IL1RAPL1: variants seen among roughly 807,000 people sequenced by gnomAD.
IL1RAPL1 encodes interleukin 1 receptor accessory protein like 1.
In IL1RAPL1, 3 loss-of-function variants were observed where a neutral mutation model predicts 48.4. The ratio of observed to expected loss-of-function variants is 0.06; its 90% CI spans 0.03 to 0.16. The LOEUF is 0.16. Among genes scored for constraint, IL1RAPL1 ranks in the 10% least tolerant of loss-of-function variants. The probability of loss-of-function intolerance (pLI) is 1.00; values close to 1 mark genes in which losing one functional copy is unlikely to be tolerated. For missense variants in IL1RAPL1, 349 were observed against 530.6 expected (o/e 0.66, Z 3.36); for synonymous variants, 185 against 187.7 (o/e 0.99, Z 0.12).
At chrX:29,511,188 C>G (rs1569327641) in intron 5 of IL1RAPL1, among the ~76,000 whole-genome samples, 2 of 112,012 alleles carry the variant, frequency 1.8e-5, no homozygotes, top group Non-Finnish European at 3.8e-5. Context: ...GACTATAAAC[C>G]TCTTTATAGC....
chrX:29,723,433 G>A (rs1927693121), intron 6 of IL1RAPL1, among the ~76,000 whole-genome samples: 1 of 111,674 alleles, frequency 9.0e-6, no homozygotes, highest in Non-Finnish European at 1.9e-5. Flanking sequence ...ATTTTTAGTA[G>A]AGACGGGGTT....
At chrX:29,692,853 T>C (rs1409188321) in intron 6 of IL1RAPL1, among the ~76,000 whole-genome samples, 3 of 111,924 alleles carry the variant, frequency 2.7e-5, no homozygotes, top group Non-Finnish European at 5.6e-5. Context: ...AGAATGTTGA[T>C]TGTGGATCTT....
rs35526788 is a variant in IL1RAPL1, at chrX:29,411,705, C to CTTTTT, written c.703+12409_703+12413dup. Among the ~76,000 whole-genome samples, 319 of 95,953 alleles carry CTTTTT rather than the reference C, an allele frequency of 3.3e-3. 3 individuals are homozygous for CTTTTT. Among genetic ancestry groups the CTTTTT allele is most frequent in the African/African-American group, 0.011 (300 of 26,268 alleles). The allele number at this position is 95,953 out of a possible 115,157, so 83.3% of individuals were successfully genotyped here. ...TACCTCATTGTTAAAGAAACAACTA[C>CTTTTT]TTTTTTTTTTTTTTTTACTGCTAAC... On this transcript the variant is annotated intron_variant, in intron 5 of 10. Coordinates refer to ENST00000378993, the MANE Select transcript of IL1RAPL1 (RefSeq NM_014271.4).
In IL1RAPL1 at chrX:29,955,395, C is replaced by A; in HGVS notation, c.1666C>A (p.Gln556Lys). 1 of 1,211,281 alleles carries A rather than the reference C, an allele frequency of 8.3e-7. No homozygotes were observed. Among genetic ancestry groups the A allele is most frequent in the African/African-American group, 1.7e-5 (1 of 57,658 alleles). The change falls in exon 11 of 11, where the codon CAG (glutamine) becomes AAG (lysine). Residue 556 changes from glutamine to lysine, a missense_variant. Coordinates refer to ENST00000378993, the MANE Select transcript of IL1RAPL1 (RefSeq NM_014271.4). ...KLNSKFWKRL[Q>K]YEMPFKRIEP... ...GAACTCCAAGTTCTGGAAACGTTTA[C>A]AGTATGAAATGCCTTTTAAGAGGAT... is the stretch of plus-strand genomic sequence containing the variant.
chrX:29,449,152 A>G (rs1262791389), intron 5 of IL1RAPL1, among the ~76,000 whole-genome samples: 1 of 111,876 alleles, frequency 8.9e-6, no homozygotes. Context: ...TCCCATTTAT[A>G]CATAAGGAAA....
chrX:28,656,950 C>G (rs1166242438), intron 1 of IL1RAPL1, among the ~76,000 whole-genome samples: 1 of 106,714 alleles, frequency 9.4e-6, no homozygotes, highest in Non-Finnish European at 1.9e-5. Flanking sequence ...GGCATGAACC[C>G]CGGGAGGCGG....
At chrX:29,188,462 G>A (rs753999560) in intron 2 of IL1RAPL1, among the ~76,000 whole-genome samples, 108 of 111,231 alleles carry the variant, frequency 9.7e-4, no homozygotes, top group Non-Finnish European at 1.8e-3. Flanking sequence ...AACAAATCCA[G>A]GGTAGAATAA....
At chrX:29,359,487 T>C (rs1272881144) in intron 3 of IL1RAPL1, among the ~76,000 whole-genome samples, 5 of 112,489 alleles carry the variant, frequency 4.4e-5, no homozygotes, top group Non-Finnish European at 9.4e-5. Context: ...ACCAGGATCG[T>C]CTGCCAAATA....
At chrX:29,418,751 A>G (rs922819233) in intron 5 of IL1RAPL1, among the ~76,000 whole-genome samples, 1 of 112,139 alleles carries the variant, frequency 8.9e-6, no homozygotes, top group Non-Finnish European at 1.9e-5. Context: ...TGGTTATGAC[A>G]TTGCTAAAAT....
intron 2 of IL1RAPL1, among the ~76,000 whole-genome samples, chrX:29,233,252 T>TC (rs752476428): frequency 5.4e-5 from 6 of 111,186 alleles, no homozygotes; most frequent in African/African-American, 2.0e-4. Flanking sequence ...TCAAGTAACT[T>TC]CCAGGTTTTC....
At chrX:28,626,840 T>C (rs1934345844) in intron 1 of IL1RAPL1, among the ~76,000 whole-genome samples, 1 of 112,532 alleles carries the variant, frequency 8.9e-6, no homozygotes, top group Non-Finnish European at 1.9e-5. Context: ...TTTTTCTTTT[T>C]AGCATCCTAT....
chrX:28,898,491 T>C (rs956961417), intron 2 of IL1RAPL1, among the ~76,000 whole-genome samples: 3 of 110,732 alleles, frequency 2.7e-5, no homozygotes, highest in African/African-American at 9.9e-5. Context: ...TTTTTCCCCC[T>C]TTTTTTTAGA....
At chrX:29,162,611 A>G (rs910523361) in intron 2 of IL1RAPL1, among the ~76,000 whole-genome samples, 1 of 111,176 alleles carries the variant, frequency 9.0e-6, no homozygotes, top group African/African-American at 3.3e-5. Flanking sequence ...ATAATGGAAT[A>G]CAAATAAATT....
intron 9 of IL1RAPL1, among the ~76,000 whole-genome samples, chrX:29,948,783 A>G (rs1365311369): frequency 1.8e-5 from 2 of 108,668 alleles, no homozygotes; most frequent in African/African-American, 6.7e-5. Flanking sequence ...ACTGAATGAC[A>G]GCCTCTGCCA....
At position 29,035,640 on chromosome X, in the gene IL1RAPL1, TAAAA is replaced by T. The variant is rs956596846; in HGVS notation, c.82+246222_82+246225del. ...TGGGTGACAGAGCGAGACTCCTTCT[TAAAA>T]AAAAAATGTTAATATAAAAATAAAG... is the stretch of plus-strand genomic sequence containing the variant. On this transcript the variant is annotated intron_variant, in intron 2 of 10. Transcript: ENST00000378993. Among the ~76,000 whole-genome samples the T allele has an allele frequency of 6.6e-5, 7 of 106,438 alleles. No homozygotes were observed. The Admixed American group carries it at 7.1e-4, about 11-fold the overall frequency. The allele number at this position is 106,438 out of a possible 115,157, so 92.4% of individuals were successfully genotyped here.
chrX:29,126,187 A>T (rs1390265263), intron 2 of IL1RAPL1, among the ~76,000 whole-genome samples: 1 of 111,801 alleles, frequency 8.9e-6, no homozygotes, highest in African/African-American at 3.3e-5. Context: ...TTTCAAATTC[A>T]ACTTTTTTTC....
chrX:28,766,653 G>A (rs1936243262), intron 1 of IL1RAPL1, among the ~76,000 whole-genome samples: 1 of 109,567 alleles, frequency 9.1e-6, no homozygotes, highest in Admixed American at 9.8e-5. Flanking sequence ...CTATTTTTTT[G>A]TACCCATTAA....
chrX:29,184,072 A>T (rs1486334601), intron 2 of IL1RAPL1, among the ~76,000 whole-genome samples: 1 of 112,122 alleles, frequency 8.9e-6, no homozygotes, highest in Non-Finnish European at 1.9e-5. Flanking sequence ...TTATTCCTCT[A>T]GTTAGAACTG....
chrX:29,927,327 G>A (rs935377460), intron 8 of IL1RAPL1, among the ~76,000 whole-genome samples: 8 of 112,180 alleles, frequency 7.1e-5, no homozygotes, highest in Non-Finnish European at 1.3e-4. Context: ...CTGTCTCCAT[G>A]AGAAAGGAAC....
Sources: gnomAD v4.1 joint callset for allele counts (sites outside exome capture counted in the v4.1 genomes callset) on GRCh38, gnomAD v4.1.1 for gene constraint, MANE v1.5 for transcripts, NCBI Gene and HGNC (gene_info 2026-07-23, HGNC 2026-07-21) for gene names.